NFKBIZ: variants seen among roughly 807,000 people sequenced by gnomAD.
The protein encoded by NFKBIZ is NFKB inhibitor zeta, also known as NF-kappa-B inhibitor zeta.
A neutral mutation model predicts 76.8 loss-of-function variants in NFKBIZ; 19 were observed. The ratio of observed to expected loss-of-function variants is 0.25; its 90% CI spans 0.17 to 0.36. NFKBIZ has a LOEUF of 0.36. Among genes scored for constraint, NFKBIZ ranks in the 10% least tolerant of loss-of-function variants. The pLI is 1.00. For synonymous variants in NFKBIZ, 368 were observed against 354.8 expected (o/e 1.04, Z -0.42); for missense variants, 829 against 910.9 (o/e 0.91, Z 1.16).
In NFKBIZ at chr3:101,853,597, G is replaced by T. The variant is rs771099915; in HGVS notation, c.1071G>T (p.Met357Ile). The T allele has an allele frequency of 8.7e-6, 14 of 1,614,088 alleles. No homozygotes were observed. Among genetic ancestry groups the T allele is most frequent in the Middle Eastern group, 3.3e-4 (2 of 6,084 alleles). ...AATCTGAGAATATTGCTAATCCCAT[G>T]CAGACTTCCTCCAGTGTTCAGCAGC... ...QRESENIANP[M>I]QTSSSVQQQN... The change falls in exon 5 of 12, where the codon ATG becomes ATT. Residue 357 changes from methionine (M) to isoleucine (I), a missense_variant. This residue lies in a region of NFKBIZ where 371 missense variants were observed against 332.3 expected (regional missense o/e 1.12). Coordinates refer to ENST00000326172, the MANE Select transcript of NFKBIZ (RefSeq NM_031419.4).
At chr3:101,840,783 A>T (rs1239990973) in intron 2 of NFKBIZ, among the ~76,000 whole-genome samples, 1 of 152,168 alleles carries the variant, frequency 6.6e-6, no homozygotes. Flanking sequence ...CAGGGGACAG[A>T]CCTTGTGTAC....
chr3:101,854,740 A>G, intron 6 of NFKBIZ, 57 bp downstream of exon 6: 5 of 1,187,986 alleles, frequency 4.2e-6, no homozygotes, highest in Non-Finnish European at 6.3e-6. Flanking sequence ...GAAGTGAATG[A>G]TGACCAGCCT....
upstream of NFKBIZ, among the ~76,000 whole-genome samples, chr3:101,846,248 G>A (rs971954165): frequency 3.3e-5 from 5 of 152,154 alleles, no homozygotes; most frequent in African/African-American, 7.2e-5. Flanking sequence ...CAGTGTCCTC[G>A]TAACATGGTG....
intron 2 of NFKBIZ, among the ~76,000 whole-genome samples, chr3:101,840,766 T>C (rs1257950433): frequency 6.6e-6 from 1 of 152,212 alleles, no homozygotes; most frequent in African/African-American, 2.4e-5. Flanking sequence ...CCTCTCTGGC[T>C]GCCCATCAGG....
intron 9 of NFKBIZ, among the ~76,000 whole-genome samples, chr3:101,856,252 A>G (rs937721352): frequency 3.3e-5 from 5 of 152,210 alleles, no homozygotes; most frequent in East Asian, 1.9e-4. Context: ...GGGTTTCACC[A>G]TGTTAGCCAG....
intron 5 of NFKBIZ, 115 bp downstream of exon 5, chr3:101,853,978 C>A (rs2925334): frequency 0.099 from 97,391 of 986,470 alleles, 6,449 homozygotes; most frequent in South Asian, 0.23. Context: ...GTTGGCTAAC[C>A]AAGATGACTG....
chr3:101,830,549 C>A (rs552610447), intron 2 of NFKBIZ, among the ~76,000 whole-genome samples: 84 of 152,284 alleles, frequency 5.5e-4, no homozygotes, highest in African/African-American at 2.0e-3. Context: ...ATGTTTAGCT[C>A]CCACTTAAAA....
At chr3:101,849,996 G>C in intron 1 of NFKBIZ, 79 bp downstream of exon 1, 1 of 1,262,014 alleles carries the variant, frequency 7.9e-7, no homozygotes, top group Non-Finnish European at 1.0e-6. Flanking sequence ...CCAGATGGAG[G>C]GTGGCCCCTG....
Position 101,849,928 on chromosome 3 carries a change from G to T in NFKBIZ, c.289+11G>T. On this transcript the variant is annotated intron_variant, in intron 1 of 11. Transcript: ENST00000326172. ...CCGAGCGCCAGCCAGGTACCCGCCGGCCCCGCACCGCTGCGTACTCGGGGC... is the reference window on the plus strand; with the variant it reads ...CCGAGCGCCAGCCAGGTACCCGCCGTCCCCGCACCGCTGCGTACTCGGGGC... The T allele has an allele frequency of 7.2e-7, 1 of 1,383,880 alleles. No homozygotes were observed. Among genetic ancestry groups the T allele is most frequent in the Non-Finnish European group, 9.3e-7 (1 of 1,077,028 alleles). The allele number at this position is 1,383,880 out of a possible 1,614,324, so 85.7% of individuals were successfully genotyped here. A position where few individuals can be genotyped will look rare whatever the true frequency, so the allele number is the denominator to read the frequency against.
chr3:101,855,920 G>A lies in NFKBIZ; in HGVS notation c.1824+18G>A, dbSNP rs763680009. On this transcript the variant is annotated intron_variant, in intron 9 of 11. Coordinates refer to ENST00000326172, the MANE Select transcript of NFKBIZ (RefSeq NM_031419.4). ...AAGCGAAGGTAAATTCACAGAAAAG[G>A]TTTAAGATGGGGTAGGGGAGAAACT... is the stretch of plus-strand genomic sequence containing the variant. 1.3e-6 allele frequency: 2 copies of A among 1,591,184 alleles called. No individual in the cohort carries two copies. Among genetic ancestry groups the A allele is most frequent in the African/African-American group, 1.4e-5 (1 of 74,018 alleles).
upstream of NFKBIZ, chr3:101,849,322 A>G (rs2107410427): frequency 3.9e-6 from 1 of 256,804 alleles, no homozygotes; most frequent in Non-Finnish European, 7.3e-6. Context: ...GTCTGGGCGG[A>G]GCCGGGCGGG....
At chr3:101,859,232 A>AT in intron 11 of NFKBIZ, 86 bp from the exon 12 acceptor site, 1 of 982,782 alleles carries the variant, frequency 1.0e-6, no homozygotes. Flanking sequence ...TGTAGATGGT[A>AT]TAAGAAAGGA....
At chr3:101,839,204 C>G (rs536025806) in intron 2 of NFKBIZ, among the ~76,000 whole-genome samples, 1 of 152,108 alleles carries the variant, frequency 6.6e-6, no homozygotes, top group Admixed American at 6.5e-5. Flanking sequence ...CTTATAAAAA[C>G]AAACAAAAAT....
exon 2 of NFKBIZ, chr3:101,829,625 A>C (rs1942618211): frequency 6.6e-6 from 1 of 152,086 alleles, no homozygotes; most frequent in Non-Finnish European, 1.5e-5. Flanking sequence ...TAACAGGAAG[A>C]TCTCGAGGGC....
rs765495075 is a variant in NFKBIZ, at chr3:101,854,689, G to A, written c.1443+6G>A. ...TTAAAGAGCACAATGGACAGGTGAG[G>A]ACCTTGACAGAGTCTGAAATGGCAA... is the stretch of plus-strand genomic sequence containing the variant. On this transcript the variant is annotated splice_donor_region_variant and intron_variant, in intron 6 of 11. Coordinates refer to ENST00000326172, the MANE Select transcript of NFKBIZ (RefSeq NM_031419.4). 8.1e-6 allele frequency: 13 copies of A among 1,599,474 alleles called. No individual in the cohort carries two copies. Among genetic ancestry groups the A allele is most frequent in the Non-Finnish European group, 9.4e-6 (11 of 1,167,384 alleles).
At chr3:101,847,780 C>T (rs78399967), upstream of NFKBIZ, among the ~76,000 whole-genome samples, 9 of 152,340 alleles carry the variant, frequency 5.9e-5, no homozygotes, top group Admixed American at 1.3e-4. Flanking sequence ...TGGGGTATGG[C>T]TGTATTTACT....
At chr3:101,848,549 A>G (rs572212360), upstream of NFKBIZ, among the ~76,000 whole-genome samples, 1 of 152,268 alleles carries the variant, frequency 6.6e-6, no homozygotes, top group Non-Finnish European at 1.5e-5. Flanking sequence ...TTATTTAAAC[A>G]TAGCATGTGT....
rs1483823632 is a variant in NFKBIZ at position 101,849,688 on chromosome 3, G to A, written c.60G>A (p.Ala20=). The change falls in exon 1 of 12, where the codon GCG becomes GCA. Residue 20 remains alanine, a synonymous_variant. Coordinates refer to ENST00000326172, the MANE Select transcript of NFKBIZ (RefSeq NM_031419.4). The part of the protein sequence containing the change: ...SRGGEGLRDA[A]GGCGLMTSPL... ...GCGGAGAGGGGCTGCGGGACGCGGCGGGCGGCTGCGGCCTCATGACCAGCC... is the reference window on the plus strand; with the variant it reads ...GCGGAGAGGGGCTGCGGGACGCGGCAGGCGGCTGCGGCCTCATGACCAGCC... 4 of 1,389,944 alleles carry A rather than the reference G, an allele frequency of 2.9e-6. No individual in the cohort carries two copies. Among genetic ancestry groups the A allele is most frequent in the South Asian group, 1.6e-5 (1 of 61,964 alleles). The allele number at this position is 1,389,944 out of a possible 1,614,324, so 86.1% of individuals were successfully genotyped here.
upstream of NFKBIZ, among the ~76,000 whole-genome samples, chr3:101,845,912 C>T (rs150100471): frequency 7.6e-4 from 115 of 152,236 alleles, no homozygotes; most frequent in African/African-American, 2.7e-3. Flanking sequence ...AATGAATCCT[C>T]TAATCTCGTT....
Sources: allele counts gnomAD v4.1 joint callset (sites outside exome capture counted in the v4.1 genomes callset), GRCh38; gene constraint gnomAD v4.1.1; regional missense constraint gnomAD v4.1.1; transcripts MANE v1.5; gene names NCBI Gene and HGNC (gene_info 2026-07-23, HGNC 2026-07-21).